The following DCC variants were observed in gnomAD, a reference collection of about 807,000 sequenced individuals.
DCC encodes DCC netrin 1 receptor.
DCC carries 58 observed loss-of-function variants against 172.5 expected under a neutral mutation model. That is an observed-to-expected ratio of 0.34 (90% CI 0.27 to 0.42). The LOEUF is 0.42. Ranked by LOEUF, DCC falls within the 10% of genes least tolerant of loss-of-function variation. The pLI, the probability that DCC is intolerant of heterozygous loss-of-function variation, is 1.00. For missense variants in DCC, 1,740 were observed against 1,791.0 expected, an observed-to-expected ratio of 0.97 and a Z score of 0.51; for synonymous variants, 709 against 644.5, an observed-to-expected ratio of 1.10 and a Z score of -1.52.
At chr18:52,486,159 T>G (rs1175878976) in intron 1 of DCC, among the ~76,000 whole-genome samples, 1 of 152,116 alleles carries the variant, frequency 6.6e-6, no homozygotes, top group Non-Finnish European at 1.5e-5. Context: ...TTTTCAAGAT[T>G]ATAGATACAG....
intron 1 of DCC, among the ~76,000 whole-genome samples, chr18:52,508,327 C>G (rs1373947417): frequency 6.6e-6 from 1 of 152,110 alleles, no homozygotes; most frequent in Non-Finnish European, 1.5e-5. Flanking sequence ...TACATTTTAT[C>G]ATTAATACAA....
chr18:53,069,054 T>C (rs957351600), intron 7 of DCC, among the ~76,000 whole-genome samples: 1 of 152,052 alleles, frequency 6.6e-6, no homozygotes. Flanking sequence ...GACCGAGGGC[T>C]TATATACCAT....
At chr18:52,909,848 C>T (rs193108417) in intron 3 of DCC, among the ~76,000 whole-genome samples, 336 of 152,250 alleles carry the variant, frequency 2.2e-3, no homozygotes, top group Non-Finnish European at 3.4e-3. Flanking sequence ...GTAGGCTGTG[C>T]TGTGAGAGAA....
At chr18:52,759,166 C>T (rs750208037) in intron 2 of DCC, 3 of 152,044 alleles carry the variant, frequency 2.0e-5, no homozygotes, top group Admixed American at 2.0e-4. Flanking sequence ...CAGCCATCAC[C>T]AATATTTCCC....
chr18:53,039,593 G>T (rs889440075), intron 5 of DCC, among the ~76,000 whole-genome samples: 1 of 151,970 alleles, frequency 6.6e-6, no homozygotes, highest in South Asian at 2.1e-4. Flanking sequence ...GCAGAGGTTG[G>T]AAAGAGGCTT....
chr18:52,838,045 C>T (rs2038740444), intron 2 of DCC, among the ~76,000 whole-genome samples: 1 of 152,118 alleles, frequency 6.6e-6, no homozygotes, highest in Non-Finnish European at 1.5e-5. Flanking sequence ...GGTGGGGAAA[C>T]CACCCCCATG....
At chr18:53,213,371 C>T (rs779284880) in intron 11 of DCC, among the ~76,000 whole-genome samples, 6 of 151,846 alleles carry the variant, frequency 4.0e-5, no homozygotes, top group South Asian at 2.1e-4. Flanking sequence ...GTGACTCGGC[C>T]GGGCGTAGTG....
intron 1 of DCC, among the ~76,000 whole-genome samples, chr18:52,585,705 T>C (rs1409475738): frequency 2.0e-5 from 3 of 152,208 alleles, no homozygotes; most frequent in African/African-American, 7.2e-5. Flanking sequence ...CAAAAATAGA[T>C]ATGAAAGCAA....
chr18:53,374,510 C>T (rs111980410), intron 15 of DCC, among the ~76,000 whole-genome samples: 4 of 152,050 alleles, frequency 2.6e-5, no homozygotes, highest in African/African-American at 9.7e-5. Flanking sequence ...AAGATGTCAC[C>T]CATTGAAGAC....
chr18:52,595,677 T>C (rs1251941403), intron 1 of DCC, among the ~76,000 whole-genome samples: 1 of 152,206 alleles, frequency 6.6e-6, no homozygotes, highest in Non-Finnish European at 1.5e-5. Context: ...AATGGGGTTT[T>C]CTTATAGTGT....
At chr18:53,128,146 CAT>C (rs1277343074) in intron 7 of DCC, among the ~76,000 whole-genome samples, 5 of 152,086 alleles carry the variant, frequency 3.3e-5, no homozygotes, top group African/African-American at 1.2e-4. Flanking sequence ...GTCACACAAT[CAT>C]ATGTCTTAAA....
intron 11 of DCC, among the ~76,000 whole-genome samples, chr18:53,214,795 A>C (rs1266268925): frequency 6.6e-6 from 1 of 152,148 alleles, no homozygotes; most frequent in East Asian, 1.9e-4. Context: ...TTTTTAAATT[A>C]CTCACATGAT....
At chr18:53,325,957 T>A (rs2144835688) in intron 14 of DCC, among the ~76,000 whole-genome samples, 1 of 152,278 alleles carries the variant, frequency 6.6e-6, no homozygotes, top group Non-Finnish European at 1.5e-5. Context: ...TAAGGAAGTG[T>A]GTGTAGGACA....
At position 53,379,790 on chromosome 18, in the gene DCC, A is replaced by G. The variant is rs1207568932; in HGVS notation, c.2360-6253A>G. On this transcript the variant is annotated intron_variant, in intron 15 of 28. Coordinates refer to ENST00000442544, the MANE Select transcript of DCC (RefSeq NM_005215.4). ...TTATCCCAAACTGAGGTGTTCTACA[A>G]GAAAGGTTGGCCAAACAATAATGAA... Among the ~76,000 whole-genome samples the G allele has an allele frequency of 2.0e-5, 3 of 152,362 alleles. No homozygotes were observed. The East Asian group carries it at 5.8e-4, about 29-fold the overall frequency.
intron 1 of DCC, among the ~76,000 whole-genome samples, chr18:52,518,529 T>C (rs1005674557): frequency 1.2e-4 from 19 of 152,348 alleles, no homozygotes; most frequent in Middle Eastern, 3.4e-3. Flanking sequence ...AAGGTAGTCA[T>C]AGAATAACAC....
chr18:53,041,531 T>C (rs992391873), intron 5 of DCC, among the ~76,000 whole-genome samples: 3 of 152,028 alleles, frequency 2.0e-5, no homozygotes, highest in Non-Finnish European at 2.9e-5. Context: ...TTAAAAGTAG[T>C]TTTTTTCTAA....
At chr18:53,123,831 G>A (rs2144296287) in intron 7 of DCC, among the ~76,000 whole-genome samples, 1 of 152,012 alleles carries the variant, frequency 6.6e-6, no homozygotes, top group South Asian at 2.1e-4. Flanking sequence ...ACGTTTTCTT[G>A]CTATACCCGT....
chr18:53,480,325 A>G (rs1284041307), intron 25 of DCC, among the ~76,000 whole-genome samples: 1 of 152,178 alleles, frequency 6.6e-6, no homozygotes, highest in Non-Finnish European at 1.5e-5. Context: ...TCATCTTGGA[A>G]AGCGTGTATA....
At chr18:53,401,823 T>C (rs574309136) in intron 18 of DCC, among the ~76,000 whole-genome samples, 18 of 152,286 alleles carry the variant, frequency 1.2e-4, no homozygotes, top group African/African-American at 3.4e-4. Flanking sequence ...AGAGAGCAGA[T>C]TGGAAGAAGC....
Sources: gnomAD v4.1 joint callset for allele counts (sites outside exome capture counted in the v4.1 genomes callset) on GRCh38, gnomAD v4.1.1 for gene constraint, MANE v1.5 for transcripts, NCBI Gene and HGNC (gene_info 2026-07-23, HGNC 2026-07-21) for gene names.